ACYP2: variants seen among roughly 807,000 people sequenced by gnomAD.
ACYP2 encodes acylphosphatase-2.
In ACYP2, 12 loss-of-function variants were observed where a neutral mutation model predicts 11.2. That is an observed-to-expected ratio of 1.08 (90% CI 0.69 to 1.74). The LOEUF is 1.74. Ranked by LOEUF, ACYP2 falls within the 40% of genes most tolerant of loss-of-function variation. The pLI is 0.00. For synonymous variants in ACYP2, 43 were observed against 32.2 expected, an observed-to-expected ratio of 1.33 and a Z score of -1.13; for missense variants, 134 against 101.9, an observed-to-expected ratio of 1.31 and a Z score of -1.35.
Position 54,046,482 on chromosome 2 carries a change from T to TA in ACYP2, c.63-4456dup, listed in dbSNP as rs34695884. On this transcript the variant is annotated intron_variant, in intron 2 of 6. Transcript: ENST00000607452. Reference sequence around the variant, plus strand: ...AGCCTGGTGACAGAGCAAGACTGTCTAAAAAAAAAAAAAAAAAAAAGGTTG... The same window carrying TA: ...AGCCTGGTGACAGAGCAAGACTGTCTAAAAAAAAAAAAAAAAAAAAAGGTTG... Among the ~76,000 whole-genome samples, 791 of 88,630 alleles carry TA rather than the reference T, an allele frequency of 8.9e-3. 5 individuals are homozygous for TA. The highest frequency in any genetic ancestry group is 0.021 in the South Asian group (60 of 2,856). The allele number at this position is 88,630 out of a possible 152,430, so 58.1% of individuals were successfully genotyped here. A position where few individuals can be genotyped will look rare whatever the true frequency, so the allele number is the denominator to read the frequency against.
At chr2:54,075,071 G>A (rs1285800439) in intron 4 of ACYP2, among the ~76,000 whole-genome samples, 2 of 152,160 alleles carry the variant, frequency 1.3e-5, no homozygotes, top group African/African-American at 4.8e-5. Flanking sequence ...GATAACTTTA[G>A]GAAGTGGCAT....
intron 4 of ACYP2, among the ~76,000 whole-genome samples, chr2:54,103,280 T>G (rs1678997030): frequency 6.6e-6 from 1 of 152,348 alleles, no homozygotes; most frequent in Non-Finnish European, 1.5e-5. Flanking sequence ...GTCCACCACA[T>G]CATTGTTTTA....
chr2:53,984,436 G>T (rs1453990597), intron 2 of ACYP2, among the ~76,000 whole-genome samples: 2 of 151,822 alleles, frequency 1.3e-5, no homozygotes, highest in Non-Finnish European at 2.9e-5. Context: ...AATTAGCTGG[G>T]TGTGGTGGTG....
intron 6 of ACYP2, among the ~76,000 whole-genome samples, chr2:54,226,295 C>T (rs1405709657): frequency 6.6e-6 from 1 of 152,262 alleles, no homozygotes; most frequent in East Asian, 1.9e-4. Flanking sequence ...TAAGTCTGGA[C>T]CATCTTTCAA....
At chr2:54,227,629 A>AC (rs1686064529) in intron 6 of ACYP2, among the ~76,000 whole-genome samples, 1 of 151,862 alleles carries the variant, frequency 6.6e-6, no homozygotes, top group African/African-American at 2.4e-5. Flanking sequence ...TTTCAAAAAA[A>AC]AAAAAAATAT....
intron 6 of ACYP2, among the ~76,000 whole-genome samples, chr2:54,152,115 C>CTTTT (rs59900871): frequency 1.0e-3 from 112 of 106,866 alleles, no homozygotes; most frequent in South Asian, 1.4e-3. Context: ...AGGGTTGACT[C>CTTTT]TTTTTTTTTT....
chr2:54,072,958 G>C (rs1677144099), intron 4 of ACYP2, among the ~76,000 whole-genome samples: 1 of 152,120 alleles, frequency 6.6e-6, no homozygotes, highest in Non-Finnish European at 1.5e-5. Context: ...GAACAAAGTA[G>C]AAAGACTCAC....
chr2:54,115,811 A>C, intron 4 of ACYP2, 55 bp downstream of exon 1: 2 of 1,490,476 alleles, frequency 1.3e-6, no homozygotes, highest in Non-Finnish European at 1.8e-6. Context: ...GAAGGGGAGA[A>C]AGCTGTGAGA....
At chr2:54,271,251 G>A (rs1460433649) in intron 6 of ACYP2, among the ~76,000 whole-genome samples, 2 of 152,192 alleles carry the variant, frequency 1.3e-5, no homozygotes, top group Non-Finnish European at 2.9e-5. Context: ...TATTATGGGA[G>A]GAGCCTCAAT....
intron 6 of ACYP2, among the ~76,000 whole-genome samples, chr2:54,197,616 A>G (rs563407307): frequency 6.6e-5 from 10 of 152,282 alleles, no homozygotes; most frequent in South Asian, 4.1e-4. Context: ...TGAGACCCCA[A>G]TGGCAAGGAG....
intron 4 of ACYP2, chr2:54,082,857 C>G (rs529681989): frequency 6.6e-6 from 1 of 152,254 alleles, no homozygotes; most frequent in South Asian, 2.1e-4. Flanking sequence ...GGTGGATCAC[C>G]TGAGGTCAGG....
At chr2:54,067,989 A>T (rs1025233105) in intron 4 of ACYP2, among the ~76,000 whole-genome samples, 1 of 152,232 alleles carries the variant, frequency 6.6e-6, no homozygotes, top group African/African-American at 2.4e-5. Flanking sequence ...AGGAGAATGA[A>T]CACACATTGT....
At chr2:54,255,591 T>C (rs771887695) in intron 6 of ACYP2, 2 of 1,612,426 alleles carry the variant, frequency 1.2e-6, no homozygotes, top group Non-Finnish European at 1.7e-6. Context: ...GCCCAGGCCC[T>C]GCCTCCCTGT....
In ACYP2 at chr2:54,170,327, A is replaced by G. The variant is rs566486254; in HGVS notation, c.404+31579A>G. Among the ~76,000 whole-genome samples, 24 of 151,806 alleles carry G rather than the reference A, an allele frequency of 1.6e-4. No homozygotes were observed. In the South Asian group the frequency reaches 4.6e-3, roughly 29 times the overall value. ...GTCACCATGCCTGGCTCATTTTTGT[A>G]TTATTAGTAGAGACGGGGTTTCACC... On this transcript the variant is annotated intron_variant, in intron 6 of 6. Coordinates refer to ENST00000607452, the MANE Select transcript of ACYP2 (RefSeq NM_001320586.2).
chr2:54,205,939 T>C (rs1421422097), intron 6 of ACYP2, among the ~76,000 whole-genome samples: 1 of 152,220 alleles, frequency 6.6e-6, no homozygotes, highest in Non-Finnish European at 1.5e-5. Flanking sequence ...TTTTTGAGTG[T>C]ATATATTTCC....
At chr2:54,060,365 T>C (rs1676398448) in intron 4 of ACYP2, among the ~76,000 whole-genome samples, 1 of 152,114 alleles carries the variant, frequency 6.6e-6, no homozygotes, top group Non-Finnish European at 1.5e-5. Context: ...TTTTAATTTC[T>C]ATAAACTTAT....
chr2:54,303,008 T>C lies in ACYP2; in HGVS notation c.405-1680T>C, dbSNP rs548281868. Among the ~76,000 whole-genome samples the C allele has an allele frequency of 3.3e-4, 51 of 152,304 alleles. 1 individual carries two copies. Among genetic ancestry groups the C allele is most frequent in the African/African-American group, 1.1e-3 (45 of 41,542 alleles). On this transcript the variant is annotated intron_variant, in intron 6 of 6. Coordinates refer to ENST00000607452, the MANE Select transcript of ACYP2 (RefSeq NM_001320586.2). ...TAATAGCCTATGACTTACAGGGTTC[T>C]TGTGTGGAATAAAAGATAAGACATG...
intron 6 of ACYP2, among the ~76,000 whole-genome samples, chr2:54,235,180 T>C (rs1392344730): frequency 1.3e-5 from 2 of 152,288 alleles, no homozygotes; most frequent in African/African-American, 2.4e-5. Flanking sequence ...TCTCATACTT[T>C]AGTATCAAGG....
At chr2:54,244,051 T>C (rs568258960) in intron 6 of ACYP2, among the ~76,000 whole-genome samples, 3 of 152,282 alleles carry the variant, frequency 2.0e-5, no homozygotes, top group South Asian at 4.1e-4. Flanking sequence ...ATTTCATTTT[T>C]AAAATTTAAA....
Sources: gnomAD v4.1 joint callset for allele counts (sites outside exome capture counted in the v4.1 genomes callset) on GRCh38, gnomAD v4.1.1 for gene constraint, MANE v1.5 for transcripts, NCBI Gene and HGNC (gene_info 2026-07-23, HGNC 2026-07-21) for gene names.